ESRRG: variants seen among roughly 807,000 people sequenced by gnomAD.
ESRRG encodes estrogen related receptor gamma.
In ESRRG, 13 loss-of-function variants were observed where a neutral mutation model predicts 44.0. That is an observed-to-expected ratio of 0.30 (90% confidence interval 0.19 to 0.47). The LOEUF is 0.47. ESRRG is among the 20% of genes least tolerant of loss of function. The probability of loss-of-function intolerance (pLI) is 1.00; values close to 1 mark genes in which losing one functional copy is unlikely to be tolerated. For missense variants in ESRRG, 395 were observed against 580.6 expected (o/e 0.68, Z 3.29); for synonymous variants, 215 against 214.6 (o/e 1.00, Z -0.02).
chr1:216,780,075 C>A (rs1311217594), intron 2 of ESRRG, among the ~76,000 whole-genome samples: 1 of 150,988 alleles, frequency 6.6e-6, no homozygotes, highest in Non-Finnish European at 1.5e-5. Flanking sequence ...TGGCTGAGAT[C>A]TAAAAAAAAA....
intron 2 of ESRRG, among the ~76,000 whole-genome samples, chr1:216,741,212 TTTATA>T (rs1345234763): frequency 2.7e-5 from 4 of 147,076 alleles, no homozygotes; most frequent in Non-Finnish European, 6.0e-5. Flanking sequence ...ATTTATATAA[TTTATA>T]TTATATAATT....
At chr1:216,800,093 G>A (rs1294854802) in intron 2 of ESRRG, among the ~76,000 whole-genome samples, 4 of 152,084 alleles carry the variant, frequency 2.6e-5, no homozygotes, top group African/African-American at 7.2e-5. Context: ...CTAAAAATTC[G>A]GTTGTAAATA....
At chr1:216,664,406 CTT>C in intron 2 of ESRRG, among the ~76,000 whole-genome samples, 1 of 151,214 alleles carries the variant, frequency 6.6e-6, no homozygotes, top group African/African-American at 2.4e-5. Flanking sequence ...ATGTGTGACA[CTT>C]TGCAAAATCA....
chr1:216,519,839 GAGA>G (rs2045565926), intron 5 of ESRRG, among the ~76,000 whole-genome samples: 2 of 136,836 alleles, frequency 1.5e-5, no homozygotes, highest in Non-Finnish European at 1.6e-5. Flanking sequence ...GAAGAAGAAG[GAGA>G]AGAAGAAGCA....
At chr1:217,050,196 T>TG (rs11284860) in intron 1 of ESRRG, among the ~76,000 whole-genome samples, 16 of 152,132 alleles carry the variant, frequency 1.1e-4, no homozygotes, top group South Asian at 2.1e-4. Flanking sequence ...ATATTTGAGC[T>TG]GGGGGGGTGA....
intron 1 of ESRRG, among the ~76,000 whole-genome samples, chr1:217,065,484 G>A (rs1002629708): frequency 6.6e-6 from 1 of 152,176 alleles, no homozygotes; most frequent in Non-Finnish European, 1.5e-5. Flanking sequence ...TGAGGTTTCA[G>A]TGGATCTGAC....
intron 1 of ESRRG, among the ~76,000 whole-genome samples, chr1:217,045,892 G>A (rs549403077): frequency 6.6e-6 from 1 of 152,240 alleles, no homozygotes; most frequent in South Asian, 2.1e-4. Context: ...TCTTTGGAGT[G>A]TTTGCTTCTT....
intron 2 of ESRRG, among the ~76,000 whole-genome samples, chr1:216,871,329 C>A (rs2149215105): frequency 6.6e-6 from 1 of 152,040 alleles, no homozygotes; most frequent in East Asian, 1.9e-4. Context: ...TTTGTGAGGT[C>A]AGAGAACATA....
At chr1:216,837,365 C>A (rs539553838) in intron 2 of ESRRG, among the ~76,000 whole-genome samples, 2 of 150,966 alleles carry the variant, frequency 1.3e-5, no homozygotes, top group African/African-American at 4.9e-5. Flanking sequence ...AAGCCAAGAT[C>A]GTGCCACCGC....
At chr1:216,530,958 T>C (rs116133819) in intron 5 of ESRRG, among the ~76,000 whole-genome samples, 1,833 of 152,252 alleles carry the variant, frequency 0.012, 19 homozygotes, top group Middle Eastern at 0.017. Flanking sequence ...GGTGTGCTTT[T>C]CTCAATTTTC....
At chr1:216,900,137 A>C (rs184897862) in intron 2 of ESRRG, among the ~76,000 whole-genome samples, 9 of 152,276 alleles carry the variant, frequency 5.9e-5, no homozygotes, top group Non-Finnish European at 1.3e-4. Flanking sequence ...TTATAACCTC[A>C]TTATAAAAGA....
intron 3 of ESRRG, among the ~76,000 whole-genome samples, chr1:216,576,443 A>C (rs550115626): frequency 6.6e-6 from 1 of 151,962 alleles, no homozygotes; most frequent in East Asian, 1.9e-4. Context: ...TAGCAAGGGG[A>C]AGTCTTTCGT....
intron 2 of ESRRG, among the ~76,000 whole-genome samples, chr1:216,735,987 A>AAAAAAAATATATAT (rs1453476198): frequency 7.3e-6 from 1 of 137,092 alleles, no homozygotes; most frequent in African/African-American, 2.7e-5. Flanking sequence ...CTCAAAAAAA[A>AAAAAAAATATATAT]ATATATATAT....
intron 1 of ESRRG, among the ~76,000 whole-genome samples, chr1:217,080,671 G>GTTTTTTTTTTT (rs34598045): frequency 3.1e-5 from 2 of 65,246 alleles, no homozygotes; most frequent in East Asian, 5.0e-4. Context: ...TGTTTTTTTG[G>GTTTTTTTTTTT]TTTTTTTTTT....
chr1:216,883,103 C>T (rs976222640), intron 2 of ESRRG, among the ~76,000 whole-genome samples: 7 of 152,088 alleles, frequency 4.6e-5, no homozygotes, highest in Non-Finnish European at 7.4e-5. Flanking sequence ...TCAGGCTGGG[C>T]GCAGTGGCTC....
intron 1 of ESRRG, among the ~76,000 whole-genome samples, chr1:217,002,151 A>T (rs1161608188): frequency 6.6e-6 from 1 of 151,988 alleles, no homozygotes; most frequent in Non-Finnish European, 1.5e-5. Context: ...AAAATACAAA[A>T]ATTAGCTGGG....
At chr1:216,537,732 C>T (rs1435445332) in intron 5 of ESRRG, among the ~76,000 whole-genome samples, 2 of 152,072 alleles carry the variant, frequency 1.3e-5, no homozygotes, top group African/African-American at 4.8e-5. Flanking sequence ...CAAAAGCATT[C>T]TCACTAAAAC....
At chr1:216,649,052 C>T (rs913092767) in intron 3 of ESRRG, among the ~76,000 whole-genome samples, 2 of 152,118 alleles carry the variant, frequency 1.3e-5, no homozygotes, top group Admixed American at 6.6e-5. Flanking sequence ...ACTTCACAAA[C>T]GTAAGCTACC....
chr1:216,528,248 G>A (rs1455034303), intron 5 of ESRRG, among the ~76,000 whole-genome samples: 2 of 152,132 alleles, frequency 1.3e-5, no homozygotes, highest in African/African-American at 4.8e-5. Flanking sequence ...TTTCTTATAA[G>A]TGCCTATAAA....
Sources: allele counts gnomAD v4.1 joint callset (sites outside exome capture counted in the v4.1 genomes callset), GRCh38; gene constraint gnomAD v4.1.1; transcripts MANE v1.5; gene names NCBI Gene and HGNC (gene_info 2026-07-23, HGNC 2026-07-21).